Variants in TENT4A observed in about 807,000 individuals in gnomAD.
TENT4A encodes terminal nucleotidyltransferase 4A.
TENT4A carries 7 observed loss-of-function variants against 72.8 expected under a neutral mutation model. That is an observed-to-expected ratio of 0.10 (90% confidence interval 0.05 to 0.18). The LOEUF (loss-of-function observed/expected upper bound fraction) is 0.18. Among genes scored for constraint, TENT4A ranks in the 10% least tolerant of loss-of-function variants. The probability of loss-of-function intolerance (pLI) is 1.00; values close to 1 mark genes in which losing one functional copy is unlikely to be tolerated. For synonymous variants in TENT4A, 456 were observed against 434.3 expected (o/e 1.05, Z -0.62); for missense variants, 831 against 1,017.7 (o/e 0.82, Z 2.50).
At chr5:6,725,360 C>T (rs1236471766) in intron 1 of TENT4A, among the ~76,000 whole-genome samples, 4 of 152,146 alleles carry the variant, frequency 2.6e-5, no homozygotes, top group Admixed American at 6.5e-5. Context: ...TGCTGAGTTC[C>T]AGAGAAGTGA....
At chr5:6,718,957 A>G (rs935700754) in intron 1 of TENT4A, among the ~76,000 whole-genome samples, 13 of 151,710 alleles carry the variant, frequency 8.6e-5, no homozygotes, top group African/African-American at 1.9e-4. Context: ...GAGGCCTCCA[A>G]TCTTTTCGCA....
intron 8 of TENT4A, 137 bp from the exon 9 acceptor site, chr5:6,749,420 C>T (rs1742274399): frequency 1.4e-5 from 9 of 635,886 alleles, no homozygotes; most frequent in Admixed American, 2.6e-5. Context: ...TATTTGTCAA[C>T]GTATTTTAGC....
intron 1 of TENT4A, among the ~76,000 whole-genome samples, chr5:6,720,665 ACT>A (rs1437927185): frequency 2.0e-5 from 3 of 147,350 alleles, no homozygotes; most frequent in Admixed American, 6.9e-5. Flanking sequence ...ACAGAGCGAG[ACT>A]CTGTCTCAAA....
rs762194546 is a variant in TENT4A, at chr5:6,754,979, C to CT, written c.*35dup. On this transcript the variant is annotated 3_prime_UTR_variant, in exon 13 of 13. Transcript: ENST00000230859. ...GGCTGCGTCAGCCTCCCCCACCCCTCTGCAGACTGCCCCGCGGCCTCGGCC... is the reference window on the plus strand; with the variant it reads ...GGCTGCGTCAGCCTCCCCCACCCCTCTTGCAGACTGCCCCGCGGCCTCGGCC... 2.0e-6 allele frequency: 3 copies of CT among 1,529,886 alleles called. No individual in the cohort carries two copies. Among genetic ancestry groups the CT allele is most frequent in the Non-Finnish European group, 2.7e-6 (3 of 1,129,568 alleles). 94.8% of individuals were successfully genotyped at this position (1,529,886 alleles called of 1,614,324 possible). A position where few individuals can be genotyped will look rare whatever the true frequency, so the allele number is the denominator to read the frequency against.
At chr5:6,754,696 G>T (rs116576634) in intron 12 of TENT4A, 55 bp from the exon 13 acceptor site, 1 of 1,404,784 alleles carries the variant, frequency 7.1e-7, no homozygotes, top group Non-Finnish European at 9.7e-7. Context: ...GCCCGAGGAC[G>T]TGGGCATTGT....
At chr5:6,750,012 G>A (rs28381408) in intron 9 of TENT4A, among the ~76,000 whole-genome samples, 62 of 152,202 alleles carry the variant, frequency 4.1e-4, no homozygotes, top group Non-Finnish European at 3.7e-4. Context: ...TCTGAAATCC[G>A]GTGTGTATTT....
chr5:6,751,317 G>A, intron 11 of TENT4A, 120 bp downstream of exon 11: 4 of 1,001,332 alleles, frequency 4.0e-6, no homozygotes, highest in Non-Finnish European at 6.1e-6. Context: ...TTGAGTATTT[G>A]GCCATTGGTG....
At chr5:6,751,420 G>T in intron 11 of TENT4A, 2 of 402,092 alleles carry the variant, frequency 5.0e-6, no homozygotes, top group Middle Eastern at 6.6e-4. Flanking sequence ...GAGTGCTGCC[G>T]TGGCTTTTCA....
At chr5:6,734,184 G>A (rs1208276586) in intron 1 of TENT4A, among the ~76,000 whole-genome samples, 1 of 152,362 alleles carries the variant, frequency 6.6e-6, no homozygotes, top group South Asian at 2.1e-4. Flanking sequence ...CAGGGAGGCC[G>A]AAGGGCCAGG....
At chr5:6,749,725 T>C (rs1742294650) in intron 9 of TENT4A, 68 bp downstream of exon 9, 1 of 1,019,332 alleles carries the variant, frequency 9.8e-7, no homozygotes, top group African/African-American at 1.6e-5. Flanking sequence ...AGTGTCTCTA[T>C]TCCTTTGTGG....
chr5:6,741,560 G>A (rs1741806867), intron 4 of TENT4A, among the ~76,000 whole-genome samples: 1 of 152,200 alleles, frequency 6.6e-6, no homozygotes, highest in Non-Finnish European at 1.5e-5. Context: ...AGTTCTTTGG[G>A]AAAGTATTTC....
intron 9 of TENT4A, 67 bp downstream of exon 9, chr5:6,749,724 A>G (rs1326039816): frequency 1.9e-6 from 2 of 1,030,220 alleles, no homozygotes; most frequent in Non-Finnish European, 3.0e-6. Flanking sequence ...AAGTGTCTCT[A>G]TTCCTTTGTG....
chr5:6,719,086 C>G (rs1313507311), intron 1 of TENT4A, among the ~76,000 whole-genome samples: 3 of 152,048 alleles, frequency 2.0e-5, no homozygotes, highest in Non-Finnish European at 4.4e-5. Context: ...TGCTTTTTCT[C>G]AGAAATATTT....
chr5:6,748,901 T>A (rs1463526701), intron 8 of TENT4A, among the ~76,000 whole-genome samples: 1 of 152,190 alleles, frequency 6.6e-6, no homozygotes, highest in Non-Finnish European at 1.5e-5. Context: ...ACTCGTCCCT[T>A]GTTCTACATT....
intron 1 of TENT4A, among the ~76,000 whole-genome samples, chr5:6,722,549 T>TG (rs1359508976): frequency 1.4e-5 from 2 of 145,322 alleles, no homozygotes; most frequent in Admixed American, 6.8e-5. Context: ...ATTTGTTAGT[T>TG]TTTTTTTTTT....
At chr5:6,726,915 GT>G (rs1740955976) in intron 1 of TENT4A, among the ~76,000 whole-genome samples, 1 of 152,120 alleles carries the variant, frequency 6.6e-6, no homozygotes, top group Non-Finnish European at 1.5e-5. Flanking sequence ...TGGATACTTT[GT>G]TACCGGTCCC....
At chr5:6,739,114 CTAAGTATTTTT>C (rs1450711064) in intron 3 of TENT4A, among the ~76,000 whole-genome samples, 1 of 152,188 alleles carries the variant, frequency 6.6e-6, no homozygotes, top group African/African-American at 2.4e-5. Context: ...ATAGTATTTT[CTAAGTATTTTT>C]ACCTGATAGG....
chr5:6,734,724 C>T (rs1045653220), intron 1 of TENT4A, among the ~76,000 whole-genome samples: 1 of 152,204 alleles, frequency 6.6e-6, no homozygotes, highest in African/African-American at 2.4e-5. Flanking sequence ...GGACACAATG[C>T]CAAGGTCAGG....
chr5:6,749,463 A>T (rs546793432), intron 8 of TENT4A, 94 bp from the exon 9 acceptor site: 17 of 716,716 alleles, frequency 2.4e-5, no homozygotes, highest in Non-Finnish European at 3.7e-5. Flanking sequence ...TAGCGAGATG[A>T]TCTGTTAGGG....
Sources: gnomAD v4.1 joint callset for allele counts (sites outside exome capture counted in the v4.1 genomes callset) on GRCh38, gnomAD v4.1.1 for gene constraint, MANE v1.5 for transcripts, NCBI Gene and HGNC (gene_info 2026-07-23, HGNC 2026-07-21) for gene names.